CLEC4F: variants seen among roughly 807,000 people sequenced by gnomAD.
The protein encoded by CLEC4F is C-type lectin domain family 4 member F.
In CLEC4F, 45 loss-of-function variants were observed where a neutral mutation model predicts 53.4. That is an observed-to-expected ratio of 0.84 (90% CI 0.66 to 1.08). CLEC4F has a LOEUF of 1.08. Ranked by LOEUF, CLEC4F falls within the 50% of genes least tolerant of loss-of-function variation. The pLI is 0.00. For missense variants in CLEC4F, 753 were observed against 698.2 expected, an observed-to-expected ratio of 1.08 and a Z score of -0.88; for synonymous variants, 245 against 257.5, an observed-to-expected ratio of 0.95 and a Z score of 0.46.
chr2:70,808,662 A>G lies in CLEC4F; in HGVS notation c.*609T>C, dbSNP rs1308385657. 2 of 177,718 alleles carry G rather than the reference A, an allele frequency of 1.1e-5. No homozygotes were observed. The highest frequency in any genetic ancestry group is 2.4e-5 in the Non-Finnish European group (2 of 83,448). 11.0% of individuals were successfully genotyped at this position (177,718 alleles called of 1,614,324 possible). On this transcript the variant is annotated 3_prime_UTR_variant, in exon 7 of 7. Transcript: ENST00000272367. ...CGAAGCTTTTGTTGATCCAGCGAGT[A>G]TTTATTGAGGACCTGCTGTCTGACA... is the stretch of plus-strand genomic sequence containing the variant.
intron 1 of CLEC4F, 27 bp from the exon 2 acceptor site, chr2:70,819,918 G>A: frequency 1.4e-6 from 2 of 1,478,200 alleles, no homozygotes; most frequent in Non-Finnish European, 1.8e-6. Context: ...AGTGTCCAAG[G>A]TGAGAGGGTG....
intron 5 of CLEC4F, 93 bp from the exon 6 acceptor site, chr2:70,809,950 TTA>T (rs1342046636): frequency 1.3e-6 from 1 of 769,746 alleles, no homozygotes; most frequent in African/African-American, 1.7e-5. Context: ...ATACACATAA[TTA>T]TATATGCATA....
At position 70,809,279 on chromosome 2, in the gene CLEC4F, T is replaced by C. The variant is rs1553393482; in HGVS notation, c.1762A>G (p.Ser588Gly). ...IDTPPCPWIL[S>G]N Reference sequence around the variant, plus strand: ...CTGTGCTCAGGTTGCTCTTAGTTACTGAGGATCCAGGGACAGGGAGGGGTG... The same window carrying C: ...CTGTGCTCAGGTTGCTCTTAGTTACCGAGGATCCAGGGACAGGGAGGGGTG... The change falls in exon 7 of 7, where the codon AGT becomes GGT. Residue 588 changes from serine to glycine, a missense_variant. By Grantham distance (56) the Ser-to-Gly change is moderately conservative (BLOSUM62 0). Coordinates refer to ENST00000272367, the MANE Select transcript of CLEC4F (RefSeq NM_173535.3). 1 of 1,613,940 alleles carries C rather than the reference T, an allele frequency of 6.2e-7. No individual in the cohort carries two copies. Among genetic ancestry groups the C allele is most frequent in the East Asian group, 2.2e-5 (1 of 44,880 alleles).
rs544060730 is a variant in CLEC4F at position 70,808,778 on chromosome 2, G to A, written c.*493C>T. 41 of 402,180 alleles carry A rather than the reference G, an allele frequency of 1.0e-4. No homozygotes were observed. In the East Asian group the frequency reaches 2.1e-3, roughly 21 times the overall value. The allele number at this position is 402,180 out of a possible 1,614,324, so 24.9% of individuals were successfully genotyped here. On this transcript the variant is annotated 3_prime_UTR_variant, in exon 7 of 7. Coordinates refer to ENST00000272367, the MANE Select transcript of CLEC4F (RefSeq NM_173535.3). ...TCACTGGGTCACTCGAGGTAAGCAT[G>A]TTTGAAAGGGCTGAATCAAAGAACA...
chr2:70,813,557 T>TC (rs1558612379), intron 4 of CLEC4F, among the ~76,000 whole-genome samples: 2 of 147,654 alleles, frequency 1.4e-5, no homozygotes, highest in East Asian at 3.9e-4. Context: ...CTTTCTTTTT[T>TC]TCTTTCTTTC....
chr2:70,815,161 G>A (rs1423580561), intron 4 of CLEC4F, among the ~76,000 whole-genome samples: 1 of 152,110 alleles, frequency 6.6e-6, no homozygotes, highest in Non-Finnish European at 1.5e-5. Flanking sequence ...CTTGTCCACA[G>A]GCCAGTCAAA....
At chr2:70,824,026 A>G (rs1444225295), upstream of CLEC4F, among the ~76,000 whole-genome samples, 5 of 51,498 alleles carry the variant, frequency 9.7e-5, no homozygotes, top group Admixed American at 6.1e-4. Context: ...CAAGACTCCA[A>G]AAAAAAAAAA....
rs782689761 is a variant in CLEC4F, at chr2:70,816,212, ATC to A, written c.1167_1168del (p.Glu389AspfsTer96). On this transcript the variant is annotated frameshift_variant, in exon 4 of 7. Coordinates refer to ENST00000272367, the MANE Select transcript of CLEC4F (RefSeq NM_173535.3). LOFTEE classifies it high-confidence loss of function. Reference sequence around the variant, plus strand: ...CTTCATTCCTTGTTTTAGGGTCTGTATCTCTCTGCTGGCATTTTTCATATGAC... The same window carrying A: ...CTTCATTCCTTGTTTTAGGGTCTGTATCTCTGCTGGCATTTTTCATATGAC... 2 of 1,614,146 alleles carry A rather than the reference ATC, an allele frequency of 1.2e-6. No homozygotes were observed. The highest frequency in any genetic ancestry group is 2.2e-5 in the South Asian group (2 of 91,080).
chr2:70,820,491 A>G lies in CLEC4F; in HGVS notation c.33T>C (p.Asp11=). 1 of 1,591,028 alleles carries G rather than the reference A, an allele frequency of 6.3e-7. No individual in the cohort carries two copies. Among genetic ancestry groups the G allele is most frequent in the Non-Finnish European group, 8.6e-7 (1 of 1,166,824 alleles). ...GGGGGTGCAGGGAGACACACTGGTT[A>G]TCTGTGCAGAAGCGGACTGCCTCAC... MDGEAVRFCT[D]NQCVSLHPQE... Residue 11 remains aspartate, a synonymous_variant, in exon 1 of 7, where the codon GAT becomes GAC. Coordinates refer to ENST00000272367, the MANE Select transcript of CLEC4F (RefSeq NM_173535.3).
At chr2:70,813,872 T>C (rs2104646964) in intron 4 of CLEC4F, among the ~76,000 whole-genome samples, 1 of 152,036 alleles carries the variant, frequency 6.6e-6, no homozygotes, top group Non-Finnish European at 1.5e-5. Flanking sequence ...AGAGATGGGG[T>C]TTTGCCATGT....
chr2:70,819,715 T>C (rs1574384223), intron 2 of CLEC4F, 60 bp downstream of exon 2: 2 of 1,285,810 alleles, frequency 1.6e-6, no homozygotes, highest in East Asian at 4.7e-5. Flanking sequence ...CTGGGGCCCC[T>C]GGGGACTTTG....
chr2:70,809,019 A>C lies in CLEC4F; in HGVS notation c.*252T>G. ...CATTCCACTTCTGCTGAATTTGGAC[A>C]CAGTCTTCAGTCTGCCCATTCTTGT... is the stretch of plus-strand genomic sequence containing the variant. On this transcript the variant is annotated 3_prime_UTR_variant, in exon 7 of 7. Coordinates refer to ENST00000272367, the MANE Select transcript of CLEC4F (RefSeq NM_173535.3). 6.9e-7 allele frequency: 1 copy of C among 1,441,726 alleles called. No individual in the cohort carries two copies. Among genetic ancestry groups the C allele is most frequent in the Non-Finnish European group, 9.4e-7 (1 of 1,061,304 alleles). 89.3% of individuals were successfully genotyped at this position (1,441,726 alleles called of 1,614,324 possible).
upstream of CLEC4F, among the ~76,000 whole-genome samples, chr2:70,824,835 G>A (rs1029386295): frequency 2.0e-5 from 3 of 152,128 alleles, no homozygotes; most frequent in African/African-American, 7.2e-5. Context: ...TAAACAAATA[G>A]ATAAGTCTCT....
At chr2:70,814,418 C>T (rs1676782661) in intron 4 of CLEC4F, among the ~76,000 whole-genome samples, 1 of 152,142 alleles carries the variant, frequency 6.6e-6, no homozygotes, top group South Asian at 2.1e-4. Flanking sequence ...AGTGTGGTCC[C>T]AGACCATCAG....
Position 70,817,056 on chromosome 2 carries a change from C to T in CLEC4F, c.325G>A (p.Gly109Ser). The part of the protein sequence containing the change: ...EMRELIQTFK[G>S]HMENSSAWVV... The stretch of plus-strand genomic sequence containing the variant: ...CAGGCACTGGAATTCTCCATGTGGC[C>T]TTTAAATGTCTGGATAAGCTCTCGC... Residue 109 changes from glycine (G) to serine (S), a missense_variant, in exon 4 of 7, where the codon GGC (glycine) becomes AGC (serine). By Grantham distance (56) the Gly-to-Ser change is moderately conservative. Transcript: ENST00000272367. 1 of 1,613,754 alleles carries T rather than the reference C, an allele frequency of 6.2e-7. No individual in the cohort carries two copies. Among genetic ancestry groups the T allele is most frequent in the South Asian group, 1.1e-5 (1 of 91,080 alleles).
intron 4 of CLEC4F, among the ~76,000 whole-genome samples, chr2:70,813,655 T>TTC (rs1676737636): frequency 6.7e-5 from 5 of 75,110 alleles, no homozygotes; most frequent in African/African-American, 2.0e-4. Context: ...CTCTCTCTCT[T>TTC]TTTCTTCCTT....
chr2:70,824,121 G>A (rs1459985891), upstream of CLEC4F, among the ~76,000 whole-genome samples: 6 of 151,728 alleles, frequency 4.0e-5, no homozygotes, highest in Admixed American at 1.3e-4. Flanking sequence ...GGAGAGAGGC[G>A]GATTCTTCTT....
Position 70,809,358 on chromosome 2 carries a change from T to A in CLEC4F, c.1683A>T (p.Pro561=), listed in dbSNP as rs1553393567. Residue 561 remains proline (P), a synonymous_variant, in exon 7 of 7, where the codon CCA becomes CCT. Coordinates refer to ENST00000272367, the MANE Select transcript of CLEC4F (RefSeq NM_173535.3). ...AATTCACAATAATATACTTTCTGAG[T>A]GGGCAGGATCCCTTGGAACCAGGCC... ...NKAPGSKGSC[P]LRKYIIVNSG... is the part of the protein sequence containing the mutation. The A allele has an allele frequency of 6.2e-7, 1 of 1,612,052 alleles. No homozygotes were observed. The highest frequency in any genetic ancestry group is 2.2e-5 in the East Asian group (1 of 44,858).
chr2:70,814,398 G>C (rs1176326156), intron 4 of CLEC4F, among the ~76,000 whole-genome samples: 3 of 152,104 alleles, frequency 2.0e-5, no homozygotes, highest in Non-Finnish European at 4.4e-5. Flanking sequence ...TATAAATCAG[G>C]GGTTCGAAAA....
Sources: allele counts gnomAD v4.1 joint callset (sites outside exome capture counted in the v4.1 genomes callset), GRCh38; gene constraint gnomAD v4.1.1; transcripts MANE v1.5; gene names NCBI Gene and HGNC (gene_info 2026-07-23, HGNC 2026-07-21).